Variants in NECTIN3 observed in about 807,000 individuals in gnomAD.
NECTIN3 encodes the protein nectin-3.
A neutral mutation model predicts 49.4 loss-of-function variants in NECTIN3; 8 were observed. That is an observed-to-expected ratio of 0.16 (90% CI 0.10 to 0.29). The LOEUF is 0.29. NECTIN3 is among the 10% of genes least tolerant of loss of function. NECTIN3 has a pLI of 1.00. For synonymous variants in NECTIN3, 277 were observed against 241.1 expected (o/e 1.15, Z -1.38); for missense variants, 581 against 654.6 (o/e 0.89, Z 1.23).
intron 1 of NECTIN3, among the ~76,000 whole-genome samples, chr3:111,088,126 G>A (rs7650599): frequency 0.01 from 1,571 of 152,240 alleles, 8 homozygotes; most frequent in Non-Finnish European, 0.017. Context: ...TTGCAGGGCA[G>A]ATCCCCTCAT....
Position 111,116,785 on chromosome 3 carries a change from A to G in NECTIN3, c.503-1871A>G, listed in dbSNP as rs1255210645. Among the ~76,000 whole-genome samples the G allele has an allele frequency of 2.6e-5, 4 of 152,174 alleles. No individual in the cohort carries two copies. The South Asian group carries it at 8.3e-4, about 32-fold the overall frequency. ...CATAATCTGAGATATTAAAAATAAA[A>G]TCTCAGTGGTATACCATTACATACC... On this transcript the variant is annotated intron_variant, in intron 2 of 5. Transcript: ENST00000485303.
At chr3:111,158,326 A>G (rs2107517738) in intron 7 of NECTIN3, among the ~76,000 whole-genome samples, 1 of 152,214 alleles carries the variant, frequency 6.6e-6, no homozygotes, top group Non-Finnish European at 1.5e-5. Context: ...TAGCTTTATG[A>G]CGATTCCTAG....
At chr3:111,128,813 C>T (rs1576141149) in intron 5 of NECTIN3, among the ~76,000 whole-genome samples, 4 of 152,202 alleles carry the variant, frequency 2.6e-5, no homozygotes, top group African/African-American at 9.7e-5. Context: ...TTCACTATTA[C>T]AATAACCATT....
chr3:111,091,555 A>G (rs552328060), intron 1 of NECTIN3, among the ~76,000 whole-genome samples: 26 of 152,284 alleles, frequency 1.7e-4, no homozygotes, highest in South Asian at 1.7e-3. Context: ...CACCCGGCCA[A>G]TGTGTAGTCT....
chr3:111,145,296 A>T (rs908982201), intron 6 of NECTIN3, among the ~76,000 whole-genome samples: 1 of 152,202 alleles, frequency 6.6e-6, no homozygotes, highest in Admixed American at 6.5e-5. Flanking sequence ...AAAGGGTAAC[A>T]TAGTAATACT....
rs1335187335 is a variant in NECTIN3, at chr3:111,135,390, T to G, written c.*1175T>G. ...TTAAAACTGGAAACATGAGGTTTTT[T>G]GTTTTTGTTTTTTTACATAATTACA... is the stretch of plus-strand genomic sequence containing the variant. On this transcript the variant is annotated 3_prime_UTR_variant, in exon 6 of 6. Coordinates refer to ENST00000485303, the MANE Select transcript of NECTIN3 (RefSeq NM_015480.3). The G allele has an allele frequency of 1.1e-6, 1 of 932,460 alleles. No homozygotes were observed. 57.8% of individuals were successfully genotyped at this position (932,460 alleles called of 1,614,324 possible). A position where few individuals can be genotyped will look rare whatever the true frequency, so the allele number is the denominator to read the frequency against.
intron 7 of NECTIN3, among the ~76,000 whole-genome samples, chr3:111,177,284 T>C (rs914813877): frequency 2.0e-5 from 3 of 152,122 alleles, no homozygotes; most frequent in African/African-American, 7.2e-5. Context: ...TTTATCTAAT[T>C]TTTCTCTAAT....
chr3:111,149,678 T>C (rs1195737971), intron 7 of NECTIN3, among the ~76,000 whole-genome samples: 2 of 152,006 alleles, frequency 1.3e-5, no homozygotes, highest in Non-Finnish European at 2.9e-5. Flanking sequence ...GCCTCTTTTA[T>C]CAAATTTTTT....
chr3:111,127,991 T>G (rs1666038659), intron 5 of NECTIN3, among the ~76,000 whole-genome samples: 1 of 152,174 alleles, frequency 6.6e-6, no homozygotes, highest in Non-Finnish European at 1.5e-5. Context: ...TACAATTTGG[T>G]GTGGGATATT....
intron 1 of NECTIN3, among the ~76,000 whole-genome samples, chr3:111,089,778 G>A (rs549150869): frequency 1.9e-4 from 29 of 152,074 alleles, no homozygotes; most frequent in South Asian, 1.0e-3. Context: ...GAGTTAGATC[G>A]AGTTGGTTGC....
At chr3:111,153,537 A>G (rs1435348674) in intron 7 of NECTIN3, among the ~76,000 whole-genome samples, 1 of 152,016 alleles carries the variant, frequency 6.6e-6, no homozygotes, top group East Asian at 1.9e-4. Context: ...CAACTAATAT[A>G]TGCTACATCC....
Position 111,136,440 on chromosome 3 carries a change from A to G in NECTIN3, c.*2225A>G. ...GTATTTGACATATTCTGTATCCTTA[A>G]TCCAATCATTTGGCAAACTAAAAGG... On this transcript the variant is annotated 3_prime_UTR_variant, in exon 6 of 6. Transcript: ENST00000485303. 1.0e-6 allele frequency: 1 copy of G among 984,176 alleles called. No homozygotes were observed. The highest frequency in any genetic ancestry group is 1.2e-6 in the Non-Finnish European group (1 of 829,014). The allele number at this position is 984,176 out of a possible 1,614,324, so 61.0% of individuals were successfully genotyped here. A position where few individuals can be genotyped will look rare whatever the true frequency, so the allele number is the denominator to read the frequency against.
intron 6 of NECTIN3, among the ~76,000 whole-genome samples, chr3:111,146,222 C>T (rs972006171): frequency 3.3e-5 from 5 of 151,924 alleles, no homozygotes; most frequent in Non-Finnish European, 7.4e-5. Flanking sequence ...ATCACGAGGT[C>T]AGGAGATCGA....
intron 7 of NECTIN3, among the ~76,000 whole-genome samples, chr3:111,151,116 T>A (rs1168672105): frequency 6.6e-6 from 1 of 151,932 alleles, no homozygotes; most frequent in Non-Finnish European, 1.5e-5. Flanking sequence ...TTGGCACATA[T>A]AAGTACCTGA....
At position 111,135,523 on chromosome 3, in the gene NECTIN3, A is replaced by G; in HGVS notation, c.*1308A>G. The G allele has an allele frequency of 1.0e-6, 1 of 982,418 alleles. No homozygotes were observed. Among genetic ancestry groups the G allele is most frequent in the Non-Finnish European group, 1.2e-6 (1 of 827,306 alleles). 60.9% of individuals were successfully genotyped at this position (982,418 alleles called of 1,614,324 possible). A position where few individuals can be genotyped will look rare whatever the true frequency, so the allele number is the denominator to read the frequency against. On this transcript the variant is annotated 3_prime_UTR_variant, in exon 6 of 6. Transcript: ENST00000485303. ...AATTGCTTCTACAGTGGAGGCTTACAAAATTATTGTGACAACTATTTTGAA... is the reference window on the plus strand; with the variant it reads ...AATTGCTTCTACAGTGGAGGCTTACGAAATTATTGTGACAACTATTTTGAA...
At chr3:111,129,876 C>G (rs2034314070) in intron 5 of NECTIN3, among the ~76,000 whole-genome samples, 1 of 151,874 alleles carries the variant, frequency 6.6e-6, no homozygotes, top group Non-Finnish European at 1.5e-5. Context: ...TCTTGAACTC[C>G]TGAGCTCAGG....
chr3:111,073,754 G>A (rs2030973530), intron 1 of NECTIN3, among the ~76,000 whole-genome samples: 1 of 152,172 alleles, frequency 6.6e-6, no homozygotes, highest in Admixed American at 6.5e-5. Flanking sequence ...CCTCCACAGA[G>A]GCAGATCTAG....
intron 1 of NECTIN3, among the ~76,000 whole-genome samples, chr3:111,081,199 T>A (rs2031579819): frequency 6.6e-6 from 1 of 152,176 alleles, no homozygotes; most frequent in South Asian, 2.1e-4. Flanking sequence ...GAGGATTGCT[T>A]GAGCCCGGAA....
At chr3:111,090,568 TTG>T (rs10596117) in intron 1 of NECTIN3, among the ~76,000 whole-genome samples, 12,431 of 148,426 alleles carry the variant, frequency 0.084, 729 homozygotes, top group African/African-American at 0.16. Context: ...GTTTGCTTGT[TTG>T]TGTGTGTGTG....
Sources: gnomAD v4.1 joint callset for allele counts (sites outside exome capture counted in the v4.1 genomes callset) on GRCh38, gnomAD v4.1.1 for gene constraint, MANE v1.5 for transcripts, NCBI Gene and HGNC (gene_info 2026-07-23, HGNC 2026-07-21) for gene names.